TBC1D30: variants seen among roughly 807,000 people sequenced by gnomAD.
The protein encoded by TBC1D30 is TBC1 domain family, member 30.
A neutral mutation model predicts 63.2 loss-of-function variants in TBC1D30; 31 were observed. The observed-to-expected ratio is 0.49, with a 90% CI of 0.37 to 0.66. The LOEUF is 0.66. TBC1D30 is among the 30% of genes least tolerant of loss of function. The pLI is 0.00. For missense variants in TBC1D30, 810 were observed against 953.6 expected (o/e 0.85, Z 1.98); for synonymous variants, 307 against 361.5 (o/e 0.85, Z 1.71).
chr12:64,818,171 G>T lies in TBC1D30; in HGVS notation c.644-9664G>T, dbSNP rs552163879. Among the ~76,000 whole-genome samples, 6 of 152,272 alleles carry T rather than the reference G, an allele frequency of 3.9e-5. No individual in the cohort carries two copies. In the East Asian group the frequency reaches 5.8e-4, roughly 15 times the overall value. ...GTTATTTCATCTTCTGCAGTGATGA[G>T]TGTGAGTCTTCCAGTTCTATTCCTG... On this transcript the variant is annotated intron_variant, in intron 2 of 12. Transcript: ENST00000542120.
chr12:64,832,902 A>T (rs1874996371), intron 5 of TBC1D30, among the ~76,000 whole-genome samples: 1 of 152,212 alleles, frequency 6.6e-6, no homozygotes, highest in Non-Finnish European at 1.5e-5. Context: ...CAAAGTGAAC[A>T]TGAGAGTAAA....
At chr12:64,820,234 A>G (rs1873809764), upstream of TBC1D30, among the ~76,000 whole-genome samples, 1 of 152,196 alleles carries the variant, frequency 6.6e-6, no homozygotes, top group South Asian at 2.1e-4. Flanking sequence ...CCCTTGGGAC[A>G]TAGTTTTTAT....
intron 7 of TBC1D30, among the ~76,000 whole-genome samples, chr12:64,841,518 G>A (rs1441789325): frequency 6.6e-6 from 1 of 152,120 alleles, no homozygotes; most frequent in Non-Finnish European, 1.5e-5. Flanking sequence ...CCCTATTAAA[G>A]CCTTTTCGTG....
At chr12:64,762,667 TTAAG>T (rs1157036038) in intron 1 of TBC1D30, among the ~76,000 whole-genome samples, 4 of 152,360 alleles carry the variant, frequency 2.6e-5, no homozygotes, top group Non-Finnish European at 5.9e-5. Context: ...CATATTTTTA[TTAAG>T]TAACTGCCAG....
Position 64,870,640 on chromosome 12 carries a change from G to T in TBC1D30, c.1330G>T (p.Ala444Ser). ...GCAGAGTCTGAGATCTAATAACATT[G>T]CAGAGCTGAGTCCAGGAGCAATCAA... ...EEQSLRSNNIAELSPGAINSC... is the reference protein window; with the variant it reads ...EEQSLRSNNISELSPGAINSC... The change falls in exon 11 of 12, where the codon GCA (alanine) becomes TCA (serine). Residue 444 changes from alanine (A) to serine (S), a missense_variant. Ala to Ser is a moderately conservative substitution (Grantham distance 99). This residue lies in a region of TBC1D30 where 450 missense variants were observed against 473.0 expected (regional missense o/e 0.95). Transcript: ENST00000539867. The T allele has an allele frequency of 6.5e-7, 1 of 1,536,184 alleles. No individual in the cohort carries two copies. Among genetic ancestry groups the T allele is most frequent in the Non-Finnish European group, 8.7e-7 (1 of 1,146,902 alleles).
intron 1 of TBC1D30, 116 bp downstream of exon 1, chr12:64,825,149 A>C: frequency 7.3e-7 from 1 of 1,378,244 alleles, no homozygotes; most frequent in South Asian, 1.6e-5. Flanking sequence ...TCCGCGTGCC[A>C]CCTGGTGCGG....
chr12:64,769,961 A>C (rs577187430), intron 1 of TBC1D30, among the ~76,000 whole-genome samples: 2 of 152,240 alleles, frequency 1.3e-5, no homozygotes, highest in Non-Finnish European at 2.9e-5. Context: ...ATTTTCTTTG[A>C]CATTTCCAGT....
At chr12:64,777,670 T>G (rs1425511451), upstream of TBC1D30, among the ~76,000 whole-genome samples, 1 of 152,226 alleles carries the variant, frequency 6.6e-6, no homozygotes, top group Non-Finnish European at 1.5e-5. Context: ...ATCATTAAAT[T>G]GGCCATGCTG....
At chr12:64,764,704 G>C (rs986726542) in intron 1 of TBC1D30, among the ~76,000 whole-genome samples, 2 of 152,188 alleles carry the variant, frequency 1.3e-5, no homozygotes, top group Non-Finnish European at 2.9e-5. Context: ...TCAAAGTTGA[G>C]GGAGATTGAG....
At chr12:64,772,575 G>A (rs535668829) in intron 1 of TBC1D30, among the ~76,000 whole-genome samples, 4 of 152,030 alleles carry the variant, frequency 2.6e-5, no homozygotes, top group East Asian at 2.0e-4. Flanking sequence ...GATTACAGGC[G>A]CCTGCCTCCG....
intron 1 of TBC1D30, among the ~76,000 whole-genome samples, chr12:64,772,115 C>T (rs955228092): frequency 2.0e-5 from 3 of 151,262 alleles, no homozygotes; most frequent in East Asian, 2.0e-4. Flanking sequence ...ATTAGCTGGG[C>T]GTGGTGGCAC....
At position 64,875,190 on chromosome 12, in the gene TBC1D30, C is replaced by G. The variant is rs1261304407; in HGVS notation, c.1688C>G (p.Ser563Cys). The change falls in exon 12 of 12, where the codon TCC becomes TGC. Residue 563 changes from serine to cysteine, a missense_variant. Ser to Cys is a moderately radical substitution (Grantham distance 112). Transcript: ENST00000539867. ...GAAGACCTTAAGACGAAGCTCAACT[C>G]CCCGTGGCGAACTCACATCCGAGTC... The part of the protein sequence containing the change: ...PYEDLKTKLN[S>C]PWRTHIRVHK... The G allele has an allele frequency of 2.6e-6, 4 of 1,536,374 alleles. No homozygotes were observed. In the South Asian group the frequency reaches 3.6e-5, roughly 14 times the overall value.
Position 64,827,882 on chromosome 12 carries a change from A to G in TBC1D30, c.202A>G (p.Asn68Asp). 6.5e-7 allele frequency: 1 copy of G among 1,534,782 alleles called. No individual in the cohort carries two copies. The highest frequency in any genetic ancestry group is 1.2e-5 in the South Asian group (1 of 83,710). ...KFTLEPSLGQ[N>D]GFQQWYDALK... is the part of the protein sequence containing the mutation. The stretch of plus-strand genomic sequence containing the variant: ...CACTCTTGAGCCATCTTTAGGTCAA[A>G]ATGGTTTTCAGCAGGTAACTTTGAT... Residue 68 changes from asparagine (N) to aspartate (D), a missense_variant, in exon 2 of 12, where the codon AAT becomes GAT. Physicochemically the swap from Asn to Asp is conservative, Grantham distance 23. Coordinates refer to ENST00000539867, the MANE Select transcript of TBC1D30 (RefSeq NM_015279.2).
exon 1 of TBC1D30, chr12:64,781,202 A>G: frequency 9.1e-7 from 1 of 1,100,084 alleles, no homozygotes; most frequent in South Asian, 2.0e-5. Flanking sequence ...GGGCGGCCGC[A>G]GCGGTGCCGG....
intron 8 of TBC1D30, among the ~76,000 whole-genome samples, chr12:64,862,607 G>A (rs1396443660): frequency 6.6e-5 from 10 of 152,100 alleles, no homozygotes; most frequent in Admixed American, 2.0e-4. Flanking sequence ...GGAATTTACT[G>A]ATACCTTGTT....
intron 2 of TBC1D30, among the ~76,000 whole-genome samples, chr12:64,813,116 ATGGT>A (rs1303285549): frequency 1.3e-5 from 2 of 152,168 alleles, no homozygotes; most frequent in Admixed American, 1.3e-4. Context: ...AGGGTTGGAC[ATGGT>A]GGTTCAAGCC....
At chr12:64,830,592 T>G in intron 4 of TBC1D30, 90 bp downstream of exon 4, 76 of 1,203,726 alleles carry the variant, frequency 6.3e-5, no homozygotes, top group Middle Eastern at 2.0e-4. Flanking sequence ...AAATGATCTC[T>G]ACCTTCTGGT....
At chr12:64,860,180 G>A (rs900920013) in intron 8 of TBC1D30, among the ~76,000 whole-genome samples, 13 of 152,056 alleles carry the variant, frequency 8.5e-5, no homozygotes, top group African/African-American at 2.9e-4. Flanking sequence ...ACCAGGCTGG[G>A]CTAATTTTTA....
At chr12:64,791,675 C>A (rs1244069079) in intron 2 of TBC1D30, among the ~76,000 whole-genome samples, 1 of 148,988 alleles carries the variant, frequency 6.7e-6, no homozygotes, top group Non-Finnish European at 1.5e-5. Context: ...CCACACCTGG[C>A]TAATTTGTGT....
Sources: gnomAD v4.1 joint callset for allele counts (sites outside exome capture counted in the v4.1 genomes callset) on GRCh38, gnomAD v4.1.1 for gene constraint, gnomAD v4.1.1 regional missense constraint, MANE v1.5 for transcripts, NCBI Gene and HGNC (gene_info 2026-07-23, HGNC 2026-07-21) for gene names.